Variants in LILRA6 observed in about 807,000 individuals in gnomAD.
LILRA6 encodes leukocyte immunoglobulin-like receptor subfamily A member 6.
A neutral mutation model predicts 53.9 loss-of-function variants in LILRA6; 16 were observed. The observed-to-expected ratio is 0.30, with a 90% CI of 0.20 to 0.45. The LOEUF (loss-of-function observed/expected upper bound fraction) is 0.45, where lower values mean the gene tolerates loss of function less well. LILRA6 is among the 20% of genes least tolerant of loss of function. LILRA6 has a pLI of 1.00. For synonymous variants in LILRA6, 135 were observed against 256.4 expected, an observed-to-expected ratio of 0.53 and a Z score of 4.52; for missense variants, 306 against 618.6, an observed-to-expected ratio of 0.49 and a Z score of 5.36.
At position 54,241,405 on chromosome 19, in the gene LILRA6, C is replaced by T. The variant is rs1251381048; in HGVS notation, c.658+171G>A. 2.0e-4 allele frequency: 186 copies of T among 911,892 alleles called. 26 individuals carry two copies. Among genetic ancestry groups the T allele is most frequent in the Admixed American group, 8.2e-4 (25 of 30,562 alleles). The allele number at this position is 911,892 out of a possible 1,614,324, so 56.5% of individuals were successfully genotyped here. On this transcript the variant is annotated intron_variant, in intron 4 of 7. Transcript: ENST00000396365. ...GTCCTCCCCGTTCAGGTGAGCGTGG[C>T]TGAGGGCTCCTCCTCCCATGTCAGA...
chr19:54,240,737 C>G, intron 5 of LILRA6, 94 bp downstream of exon 5: 1 of 1,591,136 alleles, frequency 6.3e-7, no homozygotes, highest in Non-Finnish European at 8.5e-7. Context: ...TCCCTTGGGA[C>G]CCCCACCCCT....
rs73938613 is a variant in LILRA6 at position 54,239,771 on chromosome 19, C to A, written c.1309+130G>T. On this transcript the variant is annotated intron_variant, in intron 7 of 7. Coordinates refer to ENST00000396365, the Ensembl canonical transcript of LILRA6. ...ATCTCTCTCTGCCTTGAACCCCCCACTCTTCACCAGCCCAGCCTCAGAGCC... is the reference window on the plus strand; with the variant it reads ...ATCTCTCTCTGCCTTGAACCCCCCAATCTTCACCAGCCCAGCCTCAGAGCC... 8,225 of 1,547,486 alleles carry A rather than the reference C, an allele frequency of 5.3e-3. 210 individuals are homozygous for A. In the African/African-American group the frequency reaches 0.092, roughly 17 times the overall value.
At position 54,241,591 on chromosome 19, in the gene LILRA6, C is replaced by G. The variant is rs2078763671; in HGVS notation, c.643G>C (p.Glu215Gln). 6.8e-6 allele frequency: 10 copies of G among 1,469,876 alleles called. 2 individuals are homozygous for G. Among genetic ancestry groups the G allele is most frequent in the Non-Finnish European group, 7.5e-6 (8 of 1,073,774 alleles). The allele number at this position is 1,469,876 out of a possible 1,614,324, so 91.1% of individuals were successfully genotyped here. The stretch of plus-strand genomic sequence containing the variant: ...GCTCCCTCACCTGAGGGCAGAATCT[C>G]CAGGGGGTCACTGGGGTGGGACCAC... The change falls in exon 4 of 8, where the codon GAG (glutamate) becomes CAG (glutamine). Residue 215 changes from glutamate (E) to glutamine (Q), a missense_variant. Physicochemically the swap from Glu to Gln is conservative, Grantham distance 29. Coordinates refer to ENST00000396365, the Ensembl canonical transcript of LILRA6.
At chr19:54,239,410 C>A in intron 7 of LILRA6, 1 of 663,326 alleles carries the variant, frequency 1.5e-6, no homozygotes, top group Non-Finnish European at 2.4e-6. Flanking sequence ...CCAGTCTCCT[C>A]ATGAAACTAT....
rs367911147 is a variant in LILRA6, at chr19:54,239,371, ACCCT to A, written c.1310-286_1310-283del. 313 of 810,828 alleles carry A rather than the reference ACCCT, an allele frequency of 3.9e-4. 4 individuals carry two copies. Among genetic ancestry groups the A allele is most frequent in the East Asian group, 3.3e-3 (104 of 31,502 alleles). 50.2% of individuals were successfully genotyped at this position (810,828 alleles called of 1,614,324 possible). A position where few individuals can be genotyped will look rare whatever the true frequency, so the allele number is the denominator to read the frequency against. ...TGGCTTTTACGGAGTTCCTCAATAA[ACCCT>A]CCCTCTCCTGCAGCAGGGCTCCCTC... On this transcript the variant is annotated intron_variant, in intron 7 of 7. Transcript: ENST00000396365.
chr19:54,238,899 A>G, exon 8 of LILRA6: 2 of 1,594,570 alleles, frequency 1.3e-6, no homozygotes, highest in Non-Finnish European at 1.7e-6. Context: ...TGGGATCATC[A>G]GATCTGTCCC....
chr19:54,237,904 CT>C (rs905358610), downstream of LILRA6: 6 of 150,708 alleles, frequency 4.0e-5, 1 homozygote, highest in African/African-American at 1.5e-4. Flanking sequence ...GGTTTTATGG[CT>C]GTTGTGTAAT....
At chr19:54,236,762 A>T (rs1032436318), downstream of LILRA6, 1 of 150,950 alleles carries the variant, frequency 6.6e-6, no homozygotes, top group Non-Finnish European at 1.5e-5. Context: ...ACACAGATGA[A>T]TCTGGAAGAC....
downstream of LILRA6, chr19:54,237,712 G>A (rs986470585): frequency 4.0e-5 from 6 of 150,694 alleles, no homozygotes; most frequent in Non-Finnish European, 7.4e-5. Context: ...AATAAATGCT[G>A]CCTCTTTTTG....
chr19:54,239,267 G>C (rs2078683951), intron 7 of LILRA6, 178 bp from the exon 8 acceptor site: 2 of 1,505,558 alleles, frequency 1.3e-6, no homozygotes, highest in African/African-American at 2.9e-5. Flanking sequence ...CTCCTCCTGA[G>C]AATCAAAACA....
In LILRA6 at chr19:54,242,729, A is replaced by C; in HGVS notation, c.23T>G (p.Leu8Arg). ...TCTTGAAATCTCACCTAGGCAGAGC[A>C]GGGCTGCGAGGGTGGGGGTCATGGC... Residue 8 changes from leucine (L) to arginine (R), a missense_variant, in exon 1 of 8, where the codon CTG (leucine) becomes CGG (arginine). Leu to Arg is a moderately radical substitution (Grantham distance 102, BLOSUM62 -2). Coordinates refer to ENST00000396365, the Ensembl canonical transcript of LILRA6. 19 of 1,067,446 alleles carry C rather than the reference A, an allele frequency of 1.8e-5. 6 individuals are homozygous for C. Among genetic ancestry groups the C allele is most frequent in the Non-Finnish European group, 2.4e-5 (19 of 778,284 alleles). 66.1% of individuals were successfully genotyped at this position (1,067,446 alleles called of 1,614,324 possible). A position where few individuals can be genotyped will look rare whatever the true frequency, so the allele number is the denominator to read the frequency against.
exon 4 of LILRA6, chr19:54,241,592 C>T (rs2078763725): frequency 6.8e-7 from 1 of 1,471,346 alleles, no homozygotes; most frequent in Non-Finnish European, 9.3e-7. Flanking sequence ...GCAGAATCTC[C>T]AGGGGGTCAC....
At chr19:54,238,612 AG>A (rs2147503628) in exon 8 of LILRA6, 1 of 290,826 alleles carries the variant, frequency 3.4e-6, no homozygotes, top group South Asian at 5.4e-5. Flanking sequence ...CTGCCATACA[AG>A]CTGGGAAGGA....
Position 54,242,224 on chromosome 19 carries a change from G to A in LILRA6, c.157C>T (p.Leu53=), listed in dbSNP as rs1284396535. The stretch of plus-strand genomic sequence containing the variant: ...TCCAGTCGGTACTCCTGGGCCTCCA[G>A]GCTCCCCTGACACCAGATGGTCACG... Residue 53 remains leucine (L), a synonymous_variant, in exon 3 of 8, where the codon CTG becomes TTG. Transcript: ENST00000396365. The A allele has an allele frequency of 9.8e-6, 14 of 1,422,820 alleles. 1 individual carries two copies. The highest frequency in any genetic ancestry group is 1.3e-5 in the Non-Finnish European group (14 of 1,050,248). 88.1% of individuals were successfully genotyped at this position (1,422,820 alleles called of 1,614,324 possible). A position where few individuals can be genotyped will look rare whatever the true frequency, so the allele number is the denominator to read the frequency against.
intron 7 of LILRA6, 191 bp from the exon 8 acceptor site, chr19:54,239,280 A>G: frequency 6.7e-7 from 1 of 1,489,182 alleles, no homozygotes; most frequent in Non-Finnish European, 9.0e-7. Context: ...TCAAAACAGA[A>G]GGGGAGAGCC....
At chr19:54,236,694 T>C (rs562628607), downstream of LILRA6, 1 of 151,184 alleles carries the variant, frequency 6.6e-6, no homozygotes, top group Admixed American at 6.6e-5. Flanking sequence ...ATGTGGTCTA[T>C]ATACACAATG....
exon 6 of LILRA6, chr19:54,240,441 G>A (rs755376928): frequency 6.9e-6 from 11 of 1,603,758 alleles, no homozygotes; most frequent in Admixed American, 1.7e-5. Flanking sequence ...ACGCAGTGGG[G>A]GATGGGCTGC....
chr19:54,237,416 T>TA, downstream of LILRA6: 1 of 150,988 alleles, frequency 6.6e-6, no homozygotes, highest in Middle Eastern at 3.4e-3. Context: ...TGGGAACCTT[T>TA]ATTGGATCGT....
chr19:54,239,668 G>C, intron 7 of LILRA6: 3 of 1,528,640 alleles, frequency 2.0e-6, no homozygotes, highest in Non-Finnish European at 8.8e-7. Context: ...GACCTCCTGG[G>C]TCAGGACAGG....
Sources: allele counts gnomAD v4.1 joint callset, GRCh38; gene constraint gnomAD v4.1.1; transcripts MANE v1.5; gene names NCBI Gene and HGNC (gene_info 2026-07-23, HGNC 2026-07-21).